SEZ6L: variants seen among roughly 807,000 people sequenced by gnomAD.
The protein encoded by SEZ6L is seizure 6-like protein.
SEZ6L carries 37 observed loss-of-function variants against 106.2 expected under a neutral mutation model. That is an observed-to-expected ratio of 0.35 (90% CI 0.27 to 0.46). The LOEUF (loss-of-function observed/expected upper bound fraction) is 0.46. Ranked by LOEUF, SEZ6L falls within the 20% of genes least tolerant of loss-of-function variation. The pLI, the probability that SEZ6L is intolerant of heterozygous loss-of-function variation, is 1.00. For missense variants in SEZ6L, 1,172 were observed against 1,332.8 expected (o/e 0.88, Z 1.88); for synonymous variants, 541 against 570.4 (o/e 0.95, Z 0.73).
intron 10 of SEZ6L, among the ~76,000 whole-genome samples, chr22:26,345,190 G>A (rs1207111355): frequency 6.6e-6 from 1 of 152,094 alleles, no homozygotes; most frequent in Non-Finnish European, 1.5e-5. Flanking sequence ...TGGTAAAAAT[G>A]CATGTTCCTG....
chr22:26,289,966 T>C (rs2081056618), intron 1 of SEZ6L, among the ~76,000 whole-genome samples: 1 of 152,322 alleles, frequency 6.6e-6, no homozygotes, highest in Admixed American at 6.5e-5. Flanking sequence ...GTGATTGCAA[T>C]GACAAGAGTA....
intron 1 of SEZ6L, among the ~76,000 whole-genome samples, chr22:26,244,895 AC>A (rs1365047108): frequency 3.3e-5 from 5 of 152,114 alleles, no homozygotes; most frequent in African/African-American, 7.2e-5. Context: ...AGAGAGGGAG[AC>A]TTAAATAGCA....
chr22:26,381,516 C>T lies in SEZ6L; in HGVS notation c.*1221C>T, dbSNP rs928295480. ...CAGGGGATTTTAAATCACAGCAGAC[C>T]ATCCAGTGGAATCCTGTATCATCTG... On this transcript the variant is annotated 3_prime_UTR_variant, in exon 17 of 17. Coordinates refer to ENST00000248933, the MANE Select transcript of SEZ6L (RefSeq NM_021115.5). 5 of 152,560 alleles carry T rather than the reference C, an allele frequency of 3.3e-5. No individual in the cohort carries two copies. Among genetic ancestry groups the T allele is most frequent in the African/African-American group, 1.2e-4 (5 of 41,430 alleles). 9.5% of individuals were successfully genotyped at this position (152,560 alleles called of 1,614,324 possible). A position where few individuals can be genotyped will look rare whatever the true frequency, so the allele number is the denominator to read the frequency against.
At chr22:26,227,750 TC>T (rs1569399011) in intron 1 of SEZ6L, among the ~76,000 whole-genome samples, 1 of 152,140 alleles carries the variant, frequency 6.6e-6, no homozygotes, top group Non-Finnish European at 1.5e-5. Context: ...AGTGATTGGG[TC>T]TGTCACCTCC....
At chr22:26,369,765 A>T (rs113142405) in intron 13 of SEZ6L, among the ~76,000 whole-genome samples, 2,631 of 152,036 alleles carry the variant, frequency 0.017, 87 homozygotes, top group African/African-American at 0.06. Flanking sequence ...AGTCCAGCCC[A>T]GTGTTTGAAT....
intron 9 of SEZ6L, among the ~76,000 whole-genome samples, chr22:26,321,375 T>A (rs2082148743): frequency 6.6e-6 from 1 of 152,188 alleles, no homozygotes; most frequent in Non-Finnish European, 1.5e-5. Context: ...TGGCGGTGAA[T>A]GCGACTCAGC....
chr22:26,258,527 G>C (rs1251692248), intron 1 of SEZ6L, among the ~76,000 whole-genome samples: 1 of 152,178 alleles, frequency 6.6e-6, no homozygotes, highest in Non-Finnish European at 1.5e-5. Flanking sequence ...AATTAAAATG[G>C]CACCATGTTG....
chr22:26,253,478 T>A (rs984509867), intron 1 of SEZ6L, among the ~76,000 whole-genome samples: 1 of 152,202 alleles, frequency 6.6e-6, no homozygotes, highest in Non-Finnish European at 1.5e-5. Flanking sequence ...TTCACCTATT[T>A]GCATTAAAAG....
chr22:26,273,444 T>C (rs944102998), intron 1 of SEZ6L, among the ~76,000 whole-genome samples: 2 of 152,208 alleles, frequency 1.3e-5, no homozygotes, highest in Admixed American at 6.5e-5. Context: ...AGCCTGCAAG[T>C]GAAGGGAGGC....
chr22:26,286,823 C>T (rs2080949812), intron 1 of SEZ6L, among the ~76,000 whole-genome samples: 2 of 149,240 alleles, frequency 1.3e-5, no homozygotes, highest in Non-Finnish European at 3.0e-5. Flanking sequence ...TCTCGGCTCA[C>T]TGCCACCTCC....
intron 1 of SEZ6L, among the ~76,000 whole-genome samples, chr22:26,264,032 T>C (rs1268510968): frequency 3.3e-5 from 5 of 152,214 alleles, no homozygotes; most frequent in Non-Finnish European, 2.9e-5. Context: ...AAACCCCCCA[T>C]TGCTTTTGAC....
At chr22:26,177,143 T>C (rs570173309) in intron 1 of SEZ6L, among the ~76,000 whole-genome samples, 2 of 152,230 alleles carry the variant, frequency 1.3e-5, no homozygotes, top group African/African-American at 4.8e-5. Flanking sequence ...ATTTAATTCC[T>C]GACTCTCCTA....
chr22:26,194,044 G>A (rs564889962), intron 1 of SEZ6L, among the ~76,000 whole-genome samples: 2 of 152,314 alleles, frequency 1.3e-5, no homozygotes, highest in African/African-American at 4.8e-5. Flanking sequence ...GTCAAGGGAG[G>A]CTTCCTGGAG....
intron 9 of SEZ6L, 103 bp downstream of exon 9, chr22:26,314,005 T>A: frequency 1.6e-6 from 2 of 1,237,694 alleles, no homozygotes; most frequent in Non-Finnish European, 2.3e-6. Flanking sequence ...ACTAAGCATC[T>A]ACTATGTGCC....
chr22:26,341,093 C>T (rs1053184290), intron 10 of SEZ6L, among the ~76,000 whole-genome samples: 10 of 152,072 alleles, frequency 6.6e-5, no homozygotes, highest in Admixed American at 2.6e-4. Flanking sequence ...CCTTCTTGCC[C>T]GAACTGAAGC....
intron 1 of SEZ6L, among the ~76,000 whole-genome samples, chr22:26,288,080 A>C (rs1430365542): frequency 1.3e-5 from 2 of 152,148 alleles, no homozygotes; most frequent in Non-Finnish European, 1.5e-5. Flanking sequence ...GTTTTCTTGC[A>C]TTTCCTTCTG....
chr22:26,236,458 G>T (rs559591615), intron 1 of SEZ6L, among the ~76,000 whole-genome samples: 1 of 152,158 alleles, frequency 6.6e-6, no homozygotes, highest in Non-Finnish European at 1.5e-5. Flanking sequence ...GCATTTGGTC[G>T]ATCTCTCTGG....
rs200005508 is a variant in SEZ6L, at chr22:26,296,989, G to A, written c.1071G>A (p.Gly357=). 34 of 1,614,122 alleles carry A rather than the reference G, an allele frequency of 2.1e-5. No homozygotes were observed. The highest frequency in any genetic ancestry group is 5.0e-5 in the Admixed American group (3 of 60,020). The change falls in exon 4 of 17, where the codon GGG becomes GGA. Residue 357 remains glycine (G), a synonymous_variant. Transcript: ENST00000248933. The part of the protein sequence containing the change: ...VLANQTLLVE[G]QVIRSPTNTI... Reference sequence around the variant, plus strand: ...CCAACCAGACACTCCTGGTGGAGGGGCAGGTAATCCGAAGCCCCACCAACA... The same window carrying A: ...CCAACCAGACACTCCTGGTGGAGGGACAGGTAATCCGAAGCCCCACCAACA...
intron 1 of SEZ6L, among the ~76,000 whole-genome samples, chr22:26,209,711 A>AGGAGGAAGGGGAG (rs2078092502): frequency 6.8e-6 from 1 of 147,618 alleles, no homozygotes; most frequent in Non-Finnish European, 1.5e-5. Context: ...AGAAAGAGGA[A>AGGAGGAAGGGGAG]GGAGGAAGGG....
Sources: gnomAD v4.1 joint callset for allele counts (sites outside exome capture counted in the v4.1 genomes callset) on GRCh38, gnomAD v4.1.1 for gene constraint, MANE v1.5 for transcripts, NCBI Gene and HGNC (gene_info 2026-07-23, HGNC 2026-07-21) for gene names.